Variants in SLC28A1 observed in about 807,000 individuals in gnomAD.
The protein encoded by SLC28A1 is sodium/nucleoside cotransporter 1.
In SLC28A1, 64 loss-of-function variants were observed where a neutral mutation model predicts 74.8. That is an observed-to-expected ratio of 0.86 (90% confidence interval 0.70 to 1.05). The LOEUF (loss-of-function observed/expected upper bound fraction) is 1.05. Ranked by LOEUF, SLC28A1 falls within the 50% of genes least tolerant of loss-of-function variation. SLC28A1 has a pLI of 0.00. For synonymous variants in SLC28A1, 359 were observed against 335.0 expected (o/e 1.07, Z -0.78); for missense variants, 828 against 822.8 (o/e 1.01, Z -0.08).
At position 84,895,135 on chromosome 15, in the gene SLC28A1, C is replaced by T; in HGVS notation, c.461+12C>T. The T allele has an allele frequency of 6.2e-7, 1 of 1,613,562 alleles. No homozygotes were observed. The highest frequency in any genetic ancestry group is 1.1e-5 in the South Asian group (1 of 91,060). ...CTCTGGTTTAAGAGGTGAGTGAGCTCACAGCCCCGAGGCAGGGCAGGGGAG... is the reference window on the plus strand; with the variant it reads ...CTCTGGTTTAAGAGGTGAGTGAGCTTACAGCCCCGAGGCAGGGCAGGGGAG... On this transcript the variant is annotated intron_variant, in intron 6 of 18. Coordinates refer to ENST00000394573, the MANE Select transcript of SLC28A1 (RefSeq NM_004213.5).
intron 9 of SLC28A1, among the ~76,000 whole-genome samples, chr15:84,914,272 A>G (rs894310767): frequency 1.9e-4 from 29 of 152,186 alleles, no homozygotes; most frequent in Non-Finnish European, 4.1e-4. Context: ...AATCCCATTC[A>G]TGAGGGCTCC....
chr15:84,927,143 GA>G (rs36018131), intron 12 of SLC28A1, among the ~76,000 whole-genome samples: 87,262 of 151,762 alleles, frequency 0.57, 25,635 homozygotes, highest in Middle Eastern at 0.75. Context: ...CTGAGGCCTA[GA>G]AAAGGGCTCA....
intron 10 of SLC28A1, among the ~76,000 whole-genome samples, chr15:84,920,470 A>AAGGGGG (rs1969679847): frequency 6.7e-6 from 1 of 149,356 alleles, no homozygotes; most frequent in Non-Finnish European, 1.5e-5. Flanking sequence ...AGGAAAGGGG[A>AAGGGGG]AGGGGAAGGG....
chr15:84,896,265 C>T (rs1395448498), intron 6 of SLC28A1, among the ~76,000 whole-genome samples: 1 of 152,210 alleles, frequency 6.6e-6, no homozygotes, highest in Non-Finnish European at 1.5e-5. Context: ...AGAATTACAA[C>T]TCAACCATAA....
At chr15:84,953,630 G>A in the SLC28A1 span, among the ~76,000 whole-genome samples, 2 of 152,164 alleles carry the variant, frequency 1.3e-5, no homozygotes, top group South Asian at 4.1e-4. Context: ...TCTGAGACAG[G>A]AGGATTGCTT....
chr15:84,975,152 A>G, the SLC28A1 span, among the ~76,000 whole-genome samples: 1 of 152,240 alleles, frequency 6.6e-6, no homozygotes, highest in Non-Finnish European at 1.5e-5. Context: ...GAGGGCCAAC[A>G]TAGTACTCAG....
At chr15:84,951,794 A>ACCT in the SLC28A1 span, among the ~76,000 whole-genome samples, 1 of 151,988 alleles carries the variant, frequency 6.6e-6, no homozygotes, top group Non-Finnish European at 1.5e-5. Flanking sequence ...TCTGAAACAT[A>ACCT]CCTCCCACTG....
chr15:84,930,649 A>G (rs960021372), intron 12 of SLC28A1, among the ~76,000 whole-genome samples: 2 of 117,934 alleles, frequency 1.7e-5, no homozygotes, highest in African/African-American at 6.9e-5. Flanking sequence ...ATGGAGTCTC[A>G]CTCTGTCGCC....
intron 9 of SLC28A1, among the ~76,000 whole-genome samples, chr15:84,912,954 C>A (rs570200948): frequency 6.6e-6 from 1 of 151,902 alleles, no homozygotes; most frequent in South Asian, 2.1e-4. Flanking sequence ...TAAATGAAGC[C>A]TGGGGTGGGA....
chr15:84,951,879 C>G, the SLC28A1 span, among the ~76,000 whole-genome samples: 1 of 152,100 alleles, frequency 6.6e-6, no homozygotes, highest in Non-Finnish European at 1.5e-5. Context: ...AGCCAGATGG[C>G]CAAACTGCAA....
the SLC28A1 span, among the ~76,000 whole-genome samples, chr15:84,953,134 T>G: frequency 6.6e-6 from 1 of 152,238 alleles, no homozygotes; most frequent in South Asian, 2.1e-4. Flanking sequence ...TTCTAATCTC[T>G]AATCCTTTTT....
At chr15:84,909,940 G>A (rs1223123328) in intron 9 of SLC28A1, among the ~76,000 whole-genome samples, 1 of 152,224 alleles carries the variant, frequency 6.6e-6, no homozygotes, top group Admixed American at 6.5e-5. Context: ...TTGGACCCAG[G>A]AGACTTTTGG....
chr15:84,950,602 G>A (rs1218068203), downstream of SLC28A1, among the ~76,000 whole-genome samples: 2 of 152,128 alleles, frequency 1.3e-5, no homozygotes, highest in Non-Finnish European at 2.9e-5. Context: ...AGATACTCAC[G>A]AGGTTGAGGT....
chr15:84,966,952 A>AT, the SLC28A1 span, among the ~76,000 whole-genome samples: 19 of 150,278 alleles, frequency 1.3e-4, no homozygotes, highest in Admixed American at 9.5e-4. Flanking sequence ...TTTTATTTTT[A>AT]TTTTTTTTAA....
intron 9 of SLC28A1, among the ~76,000 whole-genome samples, chr15:84,913,982 T>A (rs1968721409): frequency 1.3e-5 from 2 of 152,182 alleles, no homozygotes; most frequent in Non-Finnish European, 2.9e-5. Flanking sequence ...AGGATCTCAC[T>A]CTGTTGCCCA....
chr15:84,941,878 G>A (rs900884541), intron 15 of SLC28A1, among the ~76,000 whole-genome samples: 1 of 152,190 alleles, frequency 6.6e-6, no homozygotes, highest in Non-Finnish European at 1.5e-5. Flanking sequence ...ATAACGTGAT[G>A]AGATAATTCA....
chr15:84,939,723 C>A (rs533979590), intron 15 of SLC28A1: 1 of 151,612 alleles, frequency 6.6e-6, no homozygotes, highest in South Asian at 2.1e-4. Flanking sequence ...GAAGCAAGCA[C>A]AGGAATGTGT....
At chr15:84,924,254 A>G in intron 12 of SLC28A1, 144 bp downstream of exon 12, 1 of 1,021,988 alleles carries the variant, frequency 9.8e-7, no homozygotes, top group Non-Finnish European at 1.5e-6. Context: ...GCTTCCCCTG[A>G]GCCCAGTGGG....
At chr15:84,910,009 C>G (rs908980874) in intron 9 of SLC28A1, among the ~76,000 whole-genome samples, 1 of 152,224 alleles carries the variant, frequency 6.6e-6, no homozygotes, top group Non-Finnish European at 1.5e-5. Flanking sequence ...ATCATGAGTT[C>G]AGACCCTCCT....
Sources: gnomAD v4.1 joint callset for allele counts (sites outside exome capture counted in the v4.1 genomes callset) on GRCh38, gnomAD v4.1.1 for gene constraint, MANE v1.5 for transcripts, NCBI Gene and HGNC (gene_info 2026-07-23, HGNC 2026-07-21) for gene names.